RAD51B: variants seen among roughly 807,000 people sequenced by gnomAD.
RAD51B encodes the protein DNA repair protein RAD51 homolog 2.
RAD51B carries 38 observed loss-of-function variants against 42.2 expected under a neutral mutation model. The ratio of observed to expected loss-of-function variants is 0.90; its 90% confidence interval spans 0.70 to 1.18. The LOEUF is 1.18. Among genes scored for constraint, RAD51B ranks in the 50% most tolerant of loss-of-function variants. RAD51B has a pLI of 0.00. For missense variants in RAD51B, 373 were observed against 400.7 expected (o/e 0.93, Z 0.59); for synonymous variants, 154 against 145.2 (o/e 1.06, Z -0.43).
chr14:67,988,889 C>T (rs111460615), intron 7 of RAD51B, among the ~76,000 whole-genome samples: 30 of 152,234 alleles, frequency 2.0e-4, no homozygotes, highest in African/African-American at 3.9e-4. Context: ...ACTTCAACAC[C>T]GATTTTTCTG....
At chr14:68,661,615 TG>T (rs1892934912) in intron 11 of RAD51B, among the ~76,000 whole-genome samples, 1 of 152,228 alleles carries the variant, frequency 6.6e-6, no homozygotes. Flanking sequence ...CACTCCATCA[TG>T]GGTTGGTATG....
intron 10 of RAD51B, among the ~76,000 whole-genome samples, chr14:68,619,315 A>C (rs1302210919): frequency 7.3e-6 from 1 of 136,976 alleles, no homozygotes; most frequent in Non-Finnish European, 1.6e-5. Context: ...TCTACTAAAA[A>C]TACAAAAAAA....
chr14:67,983,351 A>G (rs1446891978), intron 7 of RAD51B, among the ~76,000 whole-genome samples: 1 of 152,182 alleles, frequency 6.6e-6, no homozygotes, highest in African/African-American at 2.4e-5. Flanking sequence ...AAAGCCCCAT[A>G]TTTTGCTGCT....
At chr14:67,928,247 A>G (rs1277132156) in intron 7 of RAD51B, among the ~76,000 whole-genome samples, 3 of 152,128 alleles carry the variant, frequency 2.0e-5, no homozygotes, top group Non-Finnish European at 1.5e-5. Flanking sequence ...GCTCCAATGA[A>G]TGGAGGAACA....
intron 5 of RAD51B, among the ~76,000 whole-genome samples, chr14:67,874,096 A>G (rs1200117692): frequency 6.6e-6 from 1 of 150,896 alleles, no homozygotes; most frequent in Non-Finnish European, 1.5e-5. Context: ...AATAATAATA[A>G]ATTAATTAAT....
chr14:68,520,363 C>CTATTA (rs1418812032), intron 10 of RAD51B, among the ~76,000 whole-genome samples: 1 of 152,180 alleles, frequency 6.6e-6, no homozygotes, highest in African/African-American at 2.4e-5. Context: ...TATTAGATTA[C>CTATTA]TGGCTATTAG....
At chr14:68,621,929 T>C (rs2140115959) in intron 10 of RAD51B, among the ~76,000 whole-genome samples, 1 of 152,330 alleles carries the variant, frequency 6.6e-6, no homozygotes, top group Non-Finnish European at 1.5e-5. Flanking sequence ...GCCACTCCCC[T>C]TTCCCATGTC....
intron 7 of RAD51B, among the ~76,000 whole-genome samples, chr14:67,974,394 T>G (rs2140256688): frequency 6.6e-6 from 1 of 152,250 alleles, no homozygotes; most frequent in East Asian, 1.9e-4. Context: ...ACTGAATATC[T>G]TTTATGGACT....
intron 10 of RAD51B, among the ~76,000 whole-genome samples, chr14:68,493,577 T>A (rs1210750587): frequency 6.6e-6 from 1 of 152,230 alleles, no homozygotes; most frequent in Non-Finnish European, 1.5e-5. Context: ...TCGGATTTTA[T>A]TTTTTAGCCA....
intron 10 of RAD51B, among the ~76,000 whole-genome samples, chr14:68,475,693 A>T (rs1314495848): frequency 7.9e-5 from 12 of 151,318 alleles, no homozygotes; most frequent in East Asian, 3.9e-4. Flanking sequence ...TCCACTTTTA[A>T]AAAAAAAATG....
chr14:68,562,212 A>G (rs921246869), intron 10 of RAD51B: 1 of 985,412 alleles, frequency 1.0e-6, no homozygotes, highest in Non-Finnish European at 1.2e-6. Flanking sequence ...GCCTCACCAG[A>G]CATTTGCAGC....
intron 10 of RAD51B, among the ~76,000 whole-genome samples, chr14:68,487,387 TG>T (rs1422980695): frequency 1.3e-5 from 2 of 152,250 alleles, no homozygotes; most frequent in Non-Finnish European, 2.9e-5. Flanking sequence ...GTGTATCCAT[TG>T]TATGTTTTTT....
intron 7 of RAD51B, among the ~76,000 whole-genome samples, chr14:68,278,466 A>G (rs766570906): frequency 1.3e-5 from 2 of 152,294 alleles, no homozygotes; most frequent in Middle Eastern, 3.4e-3. Context: ...GGCACTGAAC[A>G]TGGTGTTTGA....
chr14:68,676,627 G>A (rs1014708288), intron 11 of RAD51B, among the ~76,000 whole-genome samples: 2 of 152,232 alleles, frequency 1.3e-5, no homozygotes, highest in African/African-American at 2.4e-5. Context: ...CAGAGCCAAC[G>A]TTCAGGAAGG....
chr14:68,186,710 AAAC>A (rs1027239187), intron 7 of RAD51B, among the ~76,000 whole-genome samples: 127 of 152,334 alleles, frequency 8.3e-4, no homozygotes, highest in African/African-American at 2.9e-3. Flanking sequence ...AAAAGCCAAA[AAAC>A]AACATGTTGG....
intron 7 of RAD51B, among the ~76,000 whole-genome samples, chr14:68,064,853 T>A (rs1258268297): frequency 6.6e-6 from 1 of 152,326 alleles, no homozygotes; most frequent in East Asian, 1.9e-4. Context: ...CTGCATTGAA[T>A]TTCTCATTGA....
Position 67,848,344 on chromosome 14 carries a change from A to G in RAD51B, c.315+13148A>G, listed in dbSNP as rs535823883. Among the ~76,000 whole-genome samples, 5 of 152,052 alleles carry G rather than the reference A, an allele frequency of 3.3e-5. No individual in the cohort carries two copies. The South Asian group carries it at 1.0e-3, about 32-fold the overall frequency. ...ATTGTACCCTTTATCACTGTGTAATACCCTTCTACGTCTTTCTTAGTCGTT... is the reference window on the plus strand; with the variant it reads ...ATTGTACCCTTTATCACTGTGTAATGCCCTTCTACGTCTTTCTTAGTCGTT... On this transcript the variant is annotated intron_variant, in intron 4 of 10. Coordinates refer to ENST00000471583, the MANE Select transcript of RAD51B (RefSeq NM_133510.4).
intron 7 of RAD51B, among the ~76,000 whole-genome samples, chr14:68,208,699 A>G (rs2079643352): frequency 6.6e-6 from 1 of 152,220 alleles, no homozygotes; most frequent in South Asian, 2.1e-4. Context: ...TCCATGCTGG[A>G]CACAGCTGGA....
intron 7 of RAD51B, among the ~76,000 whole-genome samples, chr14:68,052,523 G>A (rs972713976): frequency 6.6e-6 from 1 of 151,708 alleles, no homozygotes; most frequent in Admixed American, 6.6e-5. Flanking sequence ...TTACTCCAAA[G>A]TTTACTTCAT....
Sources: allele counts gnomAD v4.1 joint callset (sites outside exome capture counted in the v4.1 genomes callset), GRCh38; gene constraint gnomAD v4.1.1; transcripts MANE v1.5; gene names NCBI Gene and HGNC (gene_info 2026-07-23, HGNC 2026-07-21).